Variants in SYNE2 observed in about 807,000 individuals in gnomAD.
SYNE2 encodes the protein spectrin repeat containing nuclear envelope protein 2.
Under a neutral mutation model 856.3 loss-of-function variants are expected in SYNE2, and 431 were observed. The observed-to-expected ratio is 0.50, with a 90% confidence interval of 0.47 to 0.55. The LOEUF (loss-of-function observed/expected upper bound fraction) is 0.55, where lower values mean the gene tolerates loss of function less well. Ranked by LOEUF, SYNE2 falls within the 20% of genes least tolerant of loss-of-function variation. The pLI, the probability that SYNE2 is intolerant of heterozygous loss-of-function variation, is 0.00. For missense variants in SYNE2, 8,129 were observed against 8,023.2 expected (o/e 1.01, Z -0.50); for synonymous variants, 2,923 against 2,872.3 (o/e 1.02, Z -0.56).
rs557268954 is a variant in SYNE2, at chr14:64,196,315, A to G, written c.18038+6078A>G. 2.2e-3 allele frequency among the ~76,000 whole-genome samples: 335 copies of G among 152,378 alleles called. 2 individuals carry two copies. The highest frequency in any genetic ancestry group is 3.4e-3 in the Non-Finnish European group (229 of 68,030). The stretch of plus-strand genomic sequence containing the variant: ...AAGGTAGACTAGACACAAACCAAGC[A>G]CTGCCACTCAGGATTGTCCGAAGAA... On this transcript the variant is annotated intron_variant, in intron 99 of 115. Coordinates refer to ENST00000555002, the MANE Select transcript of SYNE2 (RefSeq NM_182914.3).
At chr14:64,077,530 C>T (rs2097474448) in intron 54 of SYNE2, among the ~76,000 whole-genome samples, 1 of 152,090 alleles carries the variant, frequency 6.6e-6, no homozygotes. Flanking sequence ...TCAGCTACTT[C>T]CTTGACATAT....
chr14:64,071,029 T>G (rs1459772352), intron 52 of SYNE2, 119 bp downstream of exon 52: 1 of 1,013,952 alleles, frequency 9.9e-7, no homozygotes, highest in Non-Finnish European at 1.5e-6. Flanking sequence ...GAGACAACAC[T>G]GATAGGTATA....
chr14:63,779,073 A>C (rs541555919), intron 1 of SYNE2, among the ~76,000 whole-genome samples: 1 of 152,210 alleles, frequency 6.6e-6, no homozygotes, highest in East Asian at 1.9e-4. Flanking sequence ...TAATCCTAGC[A>C]CATTGGGAGG....
rs372826346 is a variant in SYNE2 at position 64,122,444 on chromosome 14, A to G, written c.13422+17A>G. 43 of 1,614,050 alleles carry G rather than the reference A, an allele frequency of 2.7e-5. No individual in the cohort carries two copies. In the African/African-American group the frequency reaches 4.1e-4, roughly 16 times the overall value. ...GAGCCTCAGGTCAGTCTGTATCTAC[A>G]TGGTGCAAATAGCCTGTTTATCTTT... On this transcript the variant is annotated intron_variant, in intron 70 of 115. Coordinates refer to ENST00000555002, the MANE Select transcript of SYNE2 (RefSeq NM_182914.3).
intron 9 of SYNE2, 120 bp downstream of exon 9, chr14:63,961,745 C>A: frequency 1.4e-6 from 1 of 740,366 alleles, no homozygotes; most frequent in South Asian, 1.5e-5. Flanking sequence ...TGAGCATACA[C>A]CCCTGTAAAT....
At chr14:63,789,504 G>A (rs1887655481) in intron 1 of SYNE2, among the ~76,000 whole-genome samples, 2 of 152,050 alleles carry the variant, frequency 1.3e-5, no homozygotes, top group Admixed American at 6.6e-5. Context: ...GAATCTGGCC[G>A]GGCGCAGTGG....
chr14:63,997,125 T>G lies in SYNE2; in HGVS notation c.3119T>G (p.Leu1040Arg). ...TGTGCTTCCGAGATTCATATGACACTGCAGCCCACAGCGGGAGGCACGTCG... is the reference window on the plus strand; with the variant it reads ...TGTGCTTCCGAGATTCATATGACACGGCAGCCCACAGCGGGAGGCACGTCG... ...LKCASEIHMT[L>R]QPTAGGTSKN... Residue 1040 changes from leucine to arginine, a missense_variant, in exon 24 of 116, where the codon CTG (leucine) becomes CGG (arginine). Leu to Arg is a moderately radical substitution (Grantham distance 102). Around this residue, in one of 3 missense-constraint regions of SYNE2, gnomAD observed 2,422 missense variants for 2,357.4 expected, o/e 1.03. Coordinates refer to ENST00000555002, the MANE Select transcript of SYNE2 (RefSeq NM_182914.3). 6.2e-7 allele frequency: 1 copy of G among 1,614,112 alleles called. No individual in the cohort carries two copies. Among genetic ancestry groups the G allele is most frequent in the Non-Finnish European group, 8.5e-7 (1 of 1,179,994 alleles).
chr14:64,128,737 TAAAAC>T (rs1391177889), intron 74 of SYNE2, among the ~76,000 whole-genome samples, 184 bp downstream of exon 74: 3 of 152,208 alleles, frequency 2.0e-5, no homozygotes, highest in Admixed American at 6.5e-5. Flanking sequence ...CACAATGTAT[TAAAAC>T]AAAAGGAGGC....
At chr14:63,766,518 T>C (rs1030197151) in intron 1 of SYNE2, among the ~76,000 whole-genome samples, 8 of 152,160 alleles carry the variant, frequency 5.3e-5, no homozygotes, top group Admixed American at 4.6e-4. Context: ...AGTTTCTTTG[T>C]TGTTGTGTGG....
chr14:63,982,223 G>A lies in SYNE2; in HGVS notation c.1837-407G>A, dbSNP rs924329677. On this transcript the variant is annotated intron_variant, in intron 16 of 115. Transcript: ENST00000555002. ...ACTCTCCGAAAAAATTAATGAGACA[G>A]TTAAGGCTCCATGAACTAAACAAGT... 2.6e-5 allele frequency among the ~76,000 whole-genome samples: 4 copies of A among 152,258 alleles called. No homozygotes were observed. The South Asian group carries it at 8.3e-4, about 32-fold the overall frequency.
At chr14:63,780,770 A>G (rs1423619781) in intron 1 of SYNE2, among the ~76,000 whole-genome samples, 1 of 152,208 alleles carries the variant, frequency 6.6e-6, no homozygotes, top group Non-Finnish European at 1.5e-5. Context: ...CATTGAACCA[A>G]AGAATCAAAA....
rs781250830 is a variant in SYNE2 at position 64,053,581 on chromosome 14, C to T, written c.9668C>T (p.Ala3223Val). ...EKQREENSSE[A>V]SDVETKLREF... ...CAAAGAGAAGAAAACTCTTCTGAAG[C>T]GAGTGATGTGGAGACAAAACTACGT... Residue 3223 changes from alanine to valine, a missense_variant, in exon 48 of 116, where the codon GCG becomes GTG. Around this residue, in one of 3 missense-constraint regions of SYNE2, gnomAD observed 5,410 missense variants for 5,284.8 expected, o/e 1.02. Coordinates refer to ENST00000555002, the MANE Select transcript of SYNE2 (RefSeq NM_182914.3). 13 of 1,614,070 alleles carry T rather than the reference C, an allele frequency of 8.1e-6. No individual in the cohort carries two copies. The East Asian group carries it at 8.9e-5, about 11-fold the overall frequency.
intron 29 of SYNE2, 35 bp from the exon 30 acceptor site, chr14:64,002,685 C>T (rs766495267): frequency 1.0e-5 from 16 of 1,605,416 alleles, no homozygotes; most frequent in Non-Finnish European, 1.3e-5. Context: ...CTTTTTTCCA[C>T]CTCAGTGTTT....
At chr14:64,145,341 C>G (rs1043066951) in intron 83 of SYNE2, among the ~76,000 whole-genome samples, 1 of 151,604 alleles carries the variant, frequency 6.6e-6, no homozygotes, top group South Asian at 2.1e-4. Flanking sequence ...TTTTCTTGAC[C>G]TACTAAAAAT....
intron 34 of SYNE2, among the ~76,000 whole-genome samples, chr14:64,018,887 C>T (rs2096915074): frequency 6.6e-6 from 1 of 152,208 alleles, no homozygotes; most frequent in African/African-American, 2.4e-5. Context: ...CAGGTTGTGG[C>T]ATCTGGAAAG....
intron 1 of SYNE2, among the ~76,000 whole-genome samples, chr14:63,846,624 C>T (rs1432524295): frequency 1.3e-5 from 2 of 151,130 alleles, no homozygotes; most frequent in Non-Finnish European, 2.9e-5. Flanking sequence ...GAGATGGAGT[C>T]TCCCTCTGTT....
chr14:63,879,597 A>G (rs1461308806), intron 1 of SYNE2, among the ~76,000 whole-genome samples: 2 of 152,244 alleles, frequency 1.3e-5, no homozygotes, highest in Admixed American at 1.3e-4. Flanking sequence ...GTGCACAGAT[A>G]GGAAAGAGAG....
intron 1 of SYNE2, among the ~76,000 whole-genome samples, chr14:63,809,776 C>T (rs779581718): frequency 6.6e-6 from 1 of 152,162 alleles, no homozygotes; most frequent in Non-Finnish European, 1.5e-5. Context: ...GCTGGGATTA[C>T]AGACATGAGC....
At chr14:63,779,426 G>T (rs139978054) in intron 1 of SYNE2, among the ~76,000 whole-genome samples, 29 of 136,854 alleles carry the variant, frequency 2.1e-4, no homozygotes, top group African/African-American at 7.7e-4. Context: ...TCACTACTGC[G>T]CTTGACTGGT....
Sources: allele counts gnomAD v4.1 joint callset (sites outside exome capture counted in the v4.1 genomes callset), GRCh38; gene constraint gnomAD v4.1.1; regional missense constraint gnomAD v4.1.1; transcripts MANE v1.5; gene names NCBI Gene and HGNC (gene_info 2026-07-23, HGNC 2026-07-21).